EXOC6B: variants seen among roughly 807,000 people sequenced by gnomAD.
EXOC6B encodes the protein exocyst complex component 6B.
A neutral mutation model predicts 113.5 loss-of-function variants in EXOC6B; 54 were observed. The ratio of observed to expected loss-of-function variants is 0.48; its 90% CI spans 0.38 to 0.60. The LOEUF is 0.60. EXOC6B is among the 20% of genes least tolerant of loss of function. The pLI is 0.00. For synonymous variants in EXOC6B, 357 were observed against 339.0 expected (o/e 1.05, Z -0.58); for missense variants, 797 against 977.5 (o/e 0.82, Z 2.46).
In EXOC6B at chr2:72,653,418, A is replaced by AG. The variant is rs1179492782; in HGVS notation, c.669+64684dup. Among the ~76,000 whole-genome samples the AG allele has an allele frequency of 2.3e-3, 151 of 66,566 alleles. 2 individuals are homozygous for AG. Among genetic ancestry groups the AG allele is most frequent in the African/African-American group, 8.7e-3 (139 of 16,014 alleles). The allele number at this position is 66,566 out of a possible 152,430, so 43.7% of individuals were successfully genotyped here. A position where few individuals can be genotyped will look rare whatever the true frequency, so the allele number is the denominator to read the frequency against. ...CTGGGGACTGTTGTGGGGTGGGGGG[A>AG]GGGGGGAGGGATAGCATTAGGAGAT... On this transcript the variant is annotated intron_variant, in intron 6 of 21. Transcript: ENST00000272427.
chr2:72,310,384 A>T (rs1687113623), intron 20 of EXOC6B, among the ~76,000 whole-genome samples: 1 of 152,198 alleles, frequency 6.6e-6, no homozygotes. Context: ...TTCCCTAATG[A>T]CTAATGATGG....
At chr2:72,820,640 C>G (rs906047678) in intron 1 of EXOC6B, among the ~76,000 whole-genome samples, 1 of 152,056 alleles carries the variant, frequency 6.6e-6, no homozygotes, top group Non-Finnish European at 1.5e-5. Flanking sequence ...AACTCAATAA[C>G]AGGGTTTTCA....
At chr2:72,446,349 A>C (rs948545157) in intron 18 of EXOC6B, among the ~76,000 whole-genome samples, 6 of 151,828 alleles carry the variant, frequency 4.0e-5, no homozygotes, top group Non-Finnish European at 8.8e-5. Context: ...ACTGCACTGC[A>C]GACTGGGCAA....
chr2:72,230,758 G>C (rs1681568945), intron 20 of EXOC6B, among the ~76,000 whole-genome samples: 1 of 152,144 alleles, frequency 6.6e-6, no homozygotes, highest in Non-Finnish European at 1.5e-5. Flanking sequence ...AGAATTCAGA[G>C]CAAAGAACTA....
intron 20 of EXOC6B, among the ~76,000 whole-genome samples, chr2:72,252,115 T>C (rs1431964350): frequency 6.6e-6 from 1 of 152,220 alleles, no homozygotes; most frequent in African/African-American, 2.4e-5. Flanking sequence ...AAATGTTGCA[T>C]TATCTTTCAA....
intron 20 of EXOC6B, among the ~76,000 whole-genome samples, chr2:72,233,997 T>C (rs2104477817): frequency 6.6e-6 from 1 of 151,964 alleles, no homozygotes; most frequent in East Asian, 1.9e-4. Context: ...CACCGGACAC[T>C]GGTAGCCAGG....
At chr2:72,600,953 TA>T (rs948010696) in intron 6 of EXOC6B, among the ~76,000 whole-genome samples, 12 of 150,002 alleles carry the variant, frequency 8.0e-5, no homozygotes, top group South Asian at 4.2e-4. Context: ...CAACCCTATT[TA>T]AAAAAAAAGG....
chr2:72,459,109 T>G lies in EXOC6B; in HGVS notation c.1980+6051A>C, dbSNP rs1380085434. Among the ~76,000 whole-genome samples, 10 of 152,046 alleles carry G rather than the reference T, an allele frequency of 6.6e-5. No homozygotes were observed. In the East Asian group the frequency reaches 1.3e-3, roughly 20 times the overall value. ...AACAGAACCAAAGACAAAAACCACA[T>G]GATTATCTCAATAGAGGCAGAAAAG... On this transcript the variant is annotated intron_variant, in intron 18 of 21. Coordinates refer to ENST00000272427, the MANE Select transcript of EXOC6B (RefSeq NM_015189.3).
At chr2:72,484,294 C>G (rs1292690673) in intron 16 of EXOC6B, among the ~76,000 whole-genome samples, 4 of 151,614 alleles carry the variant, frequency 2.6e-5, no homozygotes, top group African/African-American at 9.7e-5. Flanking sequence ...CGCGGTGGCT[C>G]ACGCCTGTAA....
At chr2:72,193,719 C>T (rs1363861192) in intron 20 of EXOC6B, among the ~76,000 whole-genome samples, 1 of 152,076 alleles carries the variant, frequency 6.6e-6, no homozygotes, top group African/African-American at 2.4e-5. Context: ...GGGTGTCAAG[C>T]AAGGAATCTG....
At position 72,382,533 on chromosome 2, in the gene EXOC6B, A is replaced by G. The variant is rs568880952; in HGVS notation, c.1981-2663T>C. Among the ~76,000 whole-genome samples, 5 of 152,216 alleles carry G rather than the reference A, an allele frequency of 3.3e-5. No individual in the cohort carries two copies. In the South Asian group the frequency reaches 1.0e-3, roughly 32 times the overall value. ...TATTCGGGGTCTTTTTTGGTTCTAT[A>G]TACATTTTTAAATAGTTTAGTTCTG... On this transcript the variant is annotated intron_variant, in intron 18 of 21. Transcript: ENST00000272427.
In EXOC6B at chr2:72,741,471, T is replaced by A; in HGVS notation, c.114-2A>T. On this transcript the variant is annotated splice_acceptor_variant, in intron 1 of 21. Coordinates refer to ENST00000272427, the MANE Select transcript of EXOC6B (RefSeq NM_015189.3). LOFTEE classifies it high-confidence loss of function. ...TGTTCTTCACCATCATAAACAGACC[T>A]TTAAAAAAAAATGGCACGAAGATTA... is the stretch of plus-strand genomic sequence containing the variant. 6.3e-7 allele frequency: 1 copy of A among 1,593,100 alleles called. No homozygotes were observed. Among genetic ancestry groups the A allele is most frequent in the Non-Finnish European group, 8.5e-7 (1 of 1,173,258 alleles).
chr2:72,630,346 A>C (rs557087987), intron 6 of EXOC6B, among the ~76,000 whole-genome samples: 100 of 152,268 alleles, frequency 6.6e-4, no homozygotes, highest in African/African-American at 2.3e-3. Context: ...ACAAACATCC[A>C]GGTTGTCAAT....
intron 6 of EXOC6B, among the ~76,000 whole-genome samples, chr2:72,586,486 C>T (rs775691458): frequency 6.6e-6 from 1 of 152,146 alleles, no homozygotes; most frequent in Non-Finnish European, 1.5e-5. Flanking sequence ...GGCGCGGTGG[C>T]TCAAGCCTGT....
intron 8 of EXOC6B, among the ~76,000 whole-genome samples, chr2:72,520,315 C>A (rs1333544254): frequency 6.6e-6 from 1 of 152,154 alleles, no homozygotes; most frequent in Non-Finnish European, 1.5e-5. Context: ...CTGCAATAAT[C>A]ATTTACTTGT....
At chr2:72,748,491 T>C (rs1681838814) in intron 1 of EXOC6B, among the ~76,000 whole-genome samples, 1 of 152,000 alleles carries the variant, frequency 6.6e-6, no homozygotes. Context: ...TCTGGGTGCA[T>C]AACGATGAAG....
intron 6 of EXOC6B, among the ~76,000 whole-genome samples, chr2:72,668,734 A>G (rs1445164765): frequency 2.0e-5 from 3 of 152,194 alleles, no homozygotes; most frequent in Admixed American, 6.5e-5. Context: ...CACAGCCATA[A>G]AGATTGGAAT....
At chr2:72,384,332 A>G (rs1691867418) in intron 18 of EXOC6B, among the ~76,000 whole-genome samples, 1 of 152,086 alleles carries the variant, frequency 6.6e-6, no homozygotes, top group African/African-American at 2.4e-5. Context: ...ATTAAAAAAA[A>G]GCTCTCAACG....
At chr2:72,578,747 A>C (rs1006586029) in intron 6 of EXOC6B, among the ~76,000 whole-genome samples, 1 of 152,202 alleles carries the variant, frequency 6.6e-6, no homozygotes, top group Non-Finnish European at 1.5e-5. Flanking sequence ...TATGATAAAA[A>C]ATAAATATGA....
Sources: gnomAD v4.1 joint callset for allele counts (sites outside exome capture counted in the v4.1 genomes callset) on GRCh38, gnomAD v4.1.1 for gene constraint, MANE v1.5 for transcripts, NCBI Gene and HGNC (gene_info 2026-07-23, HGNC 2026-07-21) for gene names.